Variants in FER observed in about 807,000 individuals in gnomAD.
FER encodes tyrosine-protein kinase Fer.
In FER, 63 loss-of-function variants were observed where a neutral mutation model predicts 111.0. The ratio of observed to expected loss-of-function variants is 0.57; its 90% CI spans 0.46 to 0.70. FER has a LOEUF of 0.70. Among genes scored for constraint, FER ranks in the 30% least tolerant of loss-of-function variants. The probability of loss-of-function intolerance (pLI) is 0.00; values close to 1 mark genes in which losing one functional copy is unlikely to be tolerated. For missense variants in FER, 914 were observed against 954.0 expected (o/e 0.96, Z 0.55); for synonymous variants, 327 against 313.9 (o/e 1.04, Z -0.44).
In FER at chr5:109,196,767, G is replaced by A. The variant is rs993158725; in HGVS notation, c.*9192G>A. The A allele has an allele frequency of 6.6e-6, 1 of 151,814 alleles. No individual in the cohort carries two copies. Among genetic ancestry groups the A allele is most frequent in the Non-Finnish European group, 1.5e-5 (1 of 67,968 alleles). 9.4% of individuals were successfully genotyped at this position (151,814 alleles called of 1,614,324 possible). ...TTTAATTGTCTTTTCTTTTCCAATA[G>A]ACCAGTTACCACTCATGTGTCTGCA... On this transcript the variant is annotated 3_prime_UTR_variant, in exon 20 of 20. Coordinates refer to ENST00000281092, the MANE Select transcript of FER (RefSeq NM_005246.4).
chr5:109,036,246 T>A (rs1770381146), intron 13 of FER, among the ~76,000 whole-genome samples: 1 of 152,132 alleles, frequency 6.6e-6, no homozygotes, highest in South Asian at 2.1e-4. Flanking sequence ...GACGTTATCC[T>A]CCTAAGTTTT....
At chr5:109,126,583 G>C (rs993779883) in intron 17 of FER, among the ~76,000 whole-genome samples, 1 of 152,152 alleles carries the variant, frequency 6.6e-6, no homozygotes, top group African/African-American at 2.4e-5. Context: ...TGCTGATTCT[G>C]TCTCTCATGG....
At chr5:108,820,328 T>C in intron 3 of FER, 2 of 985,410 alleles carry the variant, frequency 2.0e-6, no homozygotes, top group South Asian at 9.4e-5. Context: ...AGGTATTTTA[T>C]TCAATGCTTA....
Position 109,188,410 on chromosome 5 carries a change from A to G in FER, c.*835A>G, listed in dbSNP as rs937977427. 3.3e-5 allele frequency: 5 copies of G among 149,690 alleles called. No individual in the cohort carries two copies. Among genetic ancestry groups the G allele is most frequent in the Non-Finnish European group, 5.9e-5 (4 of 67,402 alleles). The allele number at this position is 149,690 out of a possible 1,614,324, so 9.3% of individuals were successfully genotyped here. On this transcript the variant is annotated 3_prime_UTR_variant, in exon 20 of 20. Transcript: ENST00000281092. The stretch of plus-strand genomic sequence containing the variant: ...ACCAAAAAAAAAAAAAGAAACACAC[A>G]CACAACGCATGAAACGTCGTCAAAG...
At chr5:108,834,094 C>T (rs1351918763) in intron 4 of FER, among the ~76,000 whole-genome samples, 1 of 151,874 alleles carries the variant, frequency 6.6e-6, no homozygotes, top group African/African-American at 2.4e-5. Flanking sequence ...TAATAAAATG[C>T]CATTTATTTA....
At position 109,047,085 on chromosome 5, in the gene FER, A is replaced by G. The variant is rs1385732253; in HGVS notation, c.1830-19A>G. On this transcript the variant is annotated intron_variant, in intron 15 of 19. Coordinates refer to ENST00000281092, the MANE Select transcript of FER (RefSeq NM_005246.4). Reference sequence around the variant, plus strand: ...TATTATTCAAATGATAACTATTCGTATATTTTCATCTCATCTAGAATTCTC... The same window carrying G: ...TATTATTCAAATGATAACTATTCGTGTATTTTCATCTCATCTAGAATTCTC... 2 of 1,290,456 alleles carry G rather than the reference A, an allele frequency of 1.5e-6. No homozygotes were observed. The highest frequency in any genetic ancestry group is 2.5e-5 in the South Asian group (2 of 78,956). 79.9% of individuals were successfully genotyped at this position (1,290,456 alleles called of 1,614,324 possible). A position where few individuals can be genotyped will look rare whatever the true frequency, so the allele number is the denominator to read the frequency against.
intron 3 of FER, among the ~76,000 whole-genome samples, chr5:108,823,909 G>C (rs1476356307): frequency 6.6e-6 from 1 of 152,010 alleles, no homozygotes; most frequent in Admixed American, 6.6e-5. Context: ...TATGGATTCA[G>C]GTCTTATATT....
chr5:109,009,496 G>C (rs1765960282), intron 13 of FER, among the ~76,000 whole-genome samples: 1 of 152,118 alleles, frequency 6.6e-6, no homozygotes, highest in African/African-American at 2.4e-5. Context: ...AAATGTTGGA[G>C]ACAACTCATT....
At chr5:108,797,374 C>G (rs1470384059) in intron 2 of FER, among the ~76,000 whole-genome samples, 2 of 152,118 alleles carry the variant, frequency 1.3e-5, no homozygotes, top group African/African-American at 4.8e-5. Flanking sequence ...GCCTCCCTCT[C>G]TCATGTCTCT....
At chr5:108,750,578 T>C (rs1750368766) in intron 1 of FER, among the ~76,000 whole-genome samples, 1 of 152,224 alleles carries the variant, frequency 6.6e-6, no homozygotes, top group Non-Finnish European at 1.5e-5. Context: ...ATATACATAA[T>C]CTAAAACTAT....
chr5:108,994,979 G>A (rs1215970540), intron 13 of FER, among the ~76,000 whole-genome samples: 1 of 152,160 alleles, frequency 6.6e-6, no homozygotes, highest in African/African-American at 2.4e-5. Context: ...AGACTTTGCT[G>A]AGGTTACTTA....
intron 10 of FER, among the ~76,000 whole-genome samples, chr5:108,929,651 A>T (rs1485914518): frequency 6.6e-6 from 1 of 152,174 alleles, no homozygotes; most frequent in Non-Finnish European, 1.5e-5. Flanking sequence ...TCAAGAAATG[A>T]ATAACTCTCT....
Position 108,891,793 on chromosome 5 carries a change from C to A in FER, c.1047-5866C>A, listed in dbSNP as rs1338325864. ...ACTCGTCATTTAACATTAGGTATAT[C>A]TCCAAATGCTATCCCTCCCCCTTCC... On this transcript the variant is annotated intron_variant, in intron 9 of 19. Transcript: ENST00000281092. Among the ~76,000 whole-genome samples, 5 of 151,938 alleles carry A rather than the reference C, an allele frequency of 3.3e-5. No individual in the cohort carries two copies. In the South Asian group the frequency reaches 8.3e-4, roughly 25 times the overall value.
At chr5:108,904,044 A>G (rs1371360353) in intron 10 of FER, among the ~76,000 whole-genome samples, 2 of 152,112 alleles carry the variant, frequency 1.3e-5, no homozygotes, top group African/African-American at 4.8e-5. Flanking sequence ...GTATCATTTT[A>G]TAATAGTGAA....
At chr5:108,942,221 A>T (rs1756370388) in intron 10 of FER, among the ~76,000 whole-genome samples, 1 of 152,228 alleles carries the variant, frequency 6.6e-6, no homozygotes, top group Admixed American at 6.5e-5. Flanking sequence ...TTCCCTAGAG[A>T]CATCTTATTT....
At chr5:109,115,304 T>C (rs990478898) in intron 17 of FER, among the ~76,000 whole-genome samples, 1 of 152,044 alleles carries the variant, frequency 6.6e-6, no homozygotes, top group Non-Finnish European at 1.5e-5. Flanking sequence ...ATTTAGGAAG[T>C]AGAATCAACA....
At chr5:108,904,758 A>G (rs75753148) in intron 10 of FER, among the ~76,000 whole-genome samples, 2,532 of 152,256 alleles carry the variant, frequency 0.017, 83 homozygotes, top group African/African-American at 0.058. Context: ...ACTGTCAAAA[A>G]AGTTGAAAAG....
At position 109,015,834 on chromosome 5, in the gene FER, G is replaced by A. The variant is rs1453390981; in HGVS notation, c.1657-21588G>A. On this transcript the variant is annotated intron_variant, in intron 13 of 19. Transcript: ENST00000281092. ...CATTCAGAAATTGGCTTTTTTCTGTGTTGTCAGCATCGTGTGCCTTTTTCC... is the reference window on the plus strand; with the variant it reads ...CATTCAGAAATTGGCTTTTTTCTGTATTGTCAGCATCGTGTGCCTTTTTCC... 2.6e-5 allele frequency among the ~76,000 whole-genome samples: 4 copies of A among 151,836 alleles called. No individual in the cohort carries two copies. In the East Asian group the frequency reaches 5.8e-4, roughly 22 times the overall value.
intron 4 of FER, among the ~76,000 whole-genome samples, chr5:108,835,187 C>CA (rs1561487704): frequency 9.4e-6 from 1 of 106,696 alleles, no homozygotes; most frequent in African/African-American, 4.1e-5. Context: ...TTGCGCCACC[C>CA]CCCCCCCCCC....
Sources: allele counts gnomAD v4.1 joint callset (sites outside exome capture counted in the v4.1 genomes callset), GRCh38; gene constraint gnomAD v4.1.1; transcripts MANE v1.5; gene names NCBI Gene and HGNC (gene_info 2026-07-23, HGNC 2026-07-21).